Variants in GAS2 observed in about 807,000 individuals in gnomAD.
The protein encoded by GAS2 is growth arrest-specific protein 2.
Under a neutral mutation model 37.5 loss-of-function variants are expected in GAS2, and 20 were observed. That is an observed-to-expected ratio of 0.53 (90% CI 0.37 to 0.77). GAS2 has a LOEUF of 0.77. GAS2 is among the 30% of genes least tolerant of loss of function. The pLI is 0.00. For synonymous variants in GAS2, 144 were observed against 132.2 expected, an observed-to-expected ratio of 1.09 and a Z score of -0.61; for missense variants, 336 against 373.4, an observed-to-expected ratio of 0.90 and a Z score of 0.82.
chr11:22,682,610 T>G (rs1186180371), intron 2 of GAS2, among the ~76,000 whole-genome samples: 1 of 152,046 alleles, frequency 6.6e-6, no homozygotes, highest in East Asian at 1.9e-4. Context: ...CCTGGCGTGG[T>G]GCCTTATGCC....
chr11:22,738,791 T>A (rs139012476), intron 5 of GAS2, among the ~76,000 whole-genome samples: 330 of 152,312 alleles, frequency 2.2e-3, no homozygotes, highest in African/African-American at 7.1e-3. Context: ...TAACCTCAAG[T>A]TCTTTAAATC....
intron 7 of GAS2, among the ~76,000 whole-genome samples, chr11:22,763,257 G>A (rs1854493323): frequency 1.3e-5 from 2 of 152,220 alleles, no homozygotes; most frequent in South Asian, 4.1e-4. Flanking sequence ...TGCCTGTGTG[G>A]TAAAAATCAA....
upstream of GAS2, among the ~76,000 whole-genome samples, chr11:22,663,121 T>A (rs1177443188): frequency 6.6e-6 from 1 of 151,352 alleles, no homozygotes; most frequent in East Asian, 2.0e-4. Context: ...AGAGGGGAAG[T>A]GCCACCCTTT....
At chr11:22,798,446 C>T (rs923815655) in intron 7 of GAS2, among the ~76,000 whole-genome samples, 2 of 151,824 alleles carry the variant, frequency 1.3e-5, no homozygotes, top group Non-Finnish European at 2.9e-5. Context: ...AAGTTGGCAG[C>T]CTGATAAAGG....
intron 1 of GAS2, among the ~76,000 whole-genome samples, chr11:22,641,670 T>C (rs1180802703): frequency 6.6e-6 from 1 of 152,154 alleles, no homozygotes; most frequent in Non-Finnish European, 1.5e-5. Context: ...AATATTAGGC[T>C]ATTAAATTGT....
intron 7 of GAS2, among the ~76,000 whole-genome samples, chr11:22,776,248 T>A (rs1855248553): frequency 6.6e-6 from 1 of 152,148 alleles, no homozygotes; most frequent in African/African-American, 2.4e-5. Context: ...TATAACTGTT[T>A]TAGGCTTTGT....
intron 4 of GAS2, among the ~76,000 whole-genome samples, chr11:22,736,564 C>T (rs1295657307): frequency 1.3e-5 from 2 of 152,022 alleles, no homozygotes; most frequent in African/African-American, 4.8e-5. Context: ...ATTCTATTTA[C>T]TACACACACC....
chr11:22,650,089 A>G (rs935598831), intron 1 of GAS2, among the ~76,000 whole-genome samples: 3 of 150,916 alleles, frequency 2.0e-5, no homozygotes, highest in Admixed American at 1.3e-4. Flanking sequence ...ACTGCTTTGA[A>G]TGGGTCCCAG....
At chr11:22,789,457 CTTTT>C (rs71037529) in intron 7 of GAS2, among the ~76,000 whole-genome samples, 1 of 31,410 alleles carries the variant, frequency 3.2e-5, no homozygotes, top group Non-Finnish European at 5.7e-5. Flanking sequence ...TATATATATT[CTTTT>C]TTTTTTTTTT....
intron 7 of GAS2, among the ~76,000 whole-genome samples, chr11:22,796,724 G>A (rs895186087): frequency 6.6e-6 from 1 of 152,058 alleles, no homozygotes; most frequent in Non-Finnish European, 1.5e-5. Context: ...CCATTGTTGT[G>A]TATCATCATC....
chr11:22,736,977 T>A (rs1302690771), intron 4 of GAS2, among the ~76,000 whole-genome samples: 3 of 152,160 alleles, frequency 2.0e-5, no homozygotes, highest in Non-Finnish European at 4.4e-5. Context: ...TGAATGTCTA[T>A]CAGTAAAGCA....
chr11:22,626,998 G>T (rs1300349213), intron 1 of GAS2, among the ~76,000 whole-genome samples: 4 of 152,152 alleles, frequency 2.6e-5, no homozygotes, highest in Non-Finnish European at 5.9e-5. Context: ...TCACCTTATT[G>T]GTCAGGCTGG....
chr11:22,652,991 TTG>T (rs145997155), intron 1 of GAS2, among the ~76,000 whole-genome samples: 18 of 6,294 alleles, frequency 2.9e-3, no homozygotes, highest in African/African-American at 6.1e-3. Flanking sequence ...CTTTCTTTCT[TTG>T]TCTTTCTTTC....
At chr11:22,725,646 C>T (rs1318326441) in intron 3 of GAS2, among the ~76,000 whole-genome samples, 4 of 152,058 alleles carry the variant, frequency 2.6e-5, no homozygotes, top group South Asian at 4.1e-4. Context: ...AGGTTAGTCA[C>T]GAACTCCTGG....
chr11:22,699,120 G>C (rs146899412), intron 3 of GAS2, among the ~76,000 whole-genome samples: 51 of 152,026 alleles, frequency 3.4e-4, no homozygotes, highest in Admixed American at 5.9e-4. Context: ...TTCCATTATC[G>C]GTCTCAACAC....
chr11:22,664,695 A>G (rs1162922859), upstream of GAS2, among the ~76,000 whole-genome samples: 3 of 152,188 alleles, frequency 2.0e-5, no homozygotes, highest in Admixed American at 1.3e-4. Context: ...GAAAATACTT[A>G]GACAAAAGAT....
Position 22,812,162 on chromosome 11 carries a change from G to A in GAS2, c.*146G>A, listed in dbSNP as rs1857210747. The A allele has an allele frequency of 3.2e-6, 2 of 620,108 alleles. No individual in the cohort carries two copies. Among genetic ancestry groups the A allele is most frequent in the Non-Finnish European group, 2.8e-6 (1 of 356,350 alleles). The allele number at this position is 620,108 out of a possible 1,614,324, so 38.4% of individuals were successfully genotyped here. On this transcript the variant is annotated 3_prime_UTR_variant, in exon 8 of 8. Transcript: ENST00000454584. Reference sequence around the variant, plus strand: ...CATATTGAAAAATGTTCAAAGAGTAGCACTATTTATTTTTAATGCTTCTGT... The same window carrying A: ...CATATTGAAAAATGTTCAAAGAGTAACACTATTTATTTTTAATGCTTCTGT...
In GAS2 at chr11:22,685,895, G is replaced by T. The variant is rs1470291291; in HGVS notation, c.267+106G>T. The stretch of plus-strand genomic sequence containing the variant: ...ATTTATTGTGAACGGATGCATCAAG[G>T]TCTATACTAACAACAAAGTACAGAG... On this transcript the variant is annotated intron_variant, in intron 3 of 7. Coordinates refer to ENST00000454584, the MANE Select transcript of GAS2 (RefSeq NM_001143830.3). 2.9e-6 allele frequency: 3 copies of T among 1,046,300 alleles called. No homozygotes were observed. In the East Asian group the frequency reaches 8.0e-5, roughly 28 times the overall value. The allele number at this position is 1,046,300 out of a possible 1,614,324, so 64.8% of individuals were successfully genotyped here.
At chr11:22,665,935 A>G (rs540108844), upstream of GAS2, among the ~76,000 whole-genome samples, 1 of 152,248 alleles carries the variant, frequency 6.6e-6, no homozygotes, top group Non-Finnish European at 1.5e-5. Flanking sequence ...AATATACATG[A>G]AACTGATGAA....
Sources: allele counts gnomAD v4.1 joint callset (sites outside exome capture counted in the v4.1 genomes callset), GRCh38; gene constraint gnomAD v4.1.1; transcripts MANE v1.5; gene names NCBI Gene and HGNC (gene_info 2026-07-23, HGNC 2026-07-21).